CHODL: variants seen among roughly 807,000 people sequenced by gnomAD.
The protein encoded by CHODL is transmembrane protein MT75.
CHODL carries 29 observed loss-of-function variants against 34.5 expected under a neutral mutation model. The observed-to-expected ratio is 0.84, with a 90% CI of 0.63 to 1.15. CHODL has a LOEUF of 1.15. CHODL is among the 50% of genes most tolerant of loss of function. CHODL has a pLI of 0.00. For synonymous variants in CHODL, 125 were observed against 116.1 expected (o/e 1.08, Z -0.49); for missense variants, 332 against 332.5 (o/e 1.00, Z 0.01).
intron 1 of CHODL, among the ~76,000 whole-genome samples, chr21:17,929,415 T>A (rs572666989): frequency 6.6e-6 from 1 of 152,372 alleles, no homozygotes; most frequent in African/African-American, 2.4e-5. Context: ...AGCTAGTGGG[T>A]TCCTCTTCCA....
At chr21:18,090,019 A>G (rs375503772) in intron 2 of CHODL, among the ~76,000 whole-genome samples, 6 of 152,342 alleles carry the variant, frequency 3.9e-5, no homozygotes, top group Non-Finnish European at 2.9e-5. Flanking sequence ...GTACTCAACA[A>G]CTGATACAAT....
intron 1 of CHODL, among the ~76,000 whole-genome samples, chr21:18,019,570 AAT>A (rs2064108588): frequency 6.6e-6 from 1 of 152,188 alleles, no homozygotes; most frequent in African/African-American, 2.4e-5. Context: ...CCTGTATCAA[AAT>A]ATCTCATGTA....
chr21:17,920,180 C>CG (rs2063172868), intron 1 of CHODL, among the ~76,000 whole-genome samples: 1 of 152,202 alleles, frequency 6.6e-6, no homozygotes, highest in Non-Finnish European at 1.5e-5. Flanking sequence ...TCCACATTTT[C>CG]GGGTATCTTT....
At chr21:18,248,622 A>T (rs1319931014) in intron 1 of CHODL, among the ~76,000 whole-genome samples, 2 of 118,510 alleles carry the variant, frequency 1.7e-5, no homozygotes, top group African/African-American at 3.7e-5. Flanking sequence ...ATACATATAT[A>T]ATATATATAA....
chr21:18,145,637 T>G (rs1156385302), intron 2 of CHODL, among the ~76,000 whole-genome samples: 2 of 152,112 alleles, frequency 1.3e-5, no homozygotes, highest in African/African-American at 2.4e-5. Flanking sequence ...AAAGAAAGCT[T>G]GATATCCTGT....
At chr21:18,231,622 G>C (rs1601176265) in intron 2 of CHODL, among the ~76,000 whole-genome samples, 1 of 152,102 alleles carries the variant, frequency 6.6e-6, no homozygotes, top group East Asian at 1.9e-4. Flanking sequence ...CAAGGTTCTT[G>C]CACCCTTTTT....
At chr21:18,178,745 GTTGGTC>G (rs765689815) in intron 2 of CHODL, among the ~76,000 whole-genome samples, 3 of 152,176 alleles carry the variant, frequency 2.0e-5, no homozygotes, top group Non-Finnish European at 4.4e-5. Flanking sequence ...AGGAGAAGGG[GTTGGTC>G]TTGCTCTCTC....
At chr21:17,995,674 C>T (rs114636153) in intron 1 of CHODL, among the ~76,000 whole-genome samples, 298 of 152,294 alleles carry the variant, frequency 2.0e-3, no homozygotes, top group African/African-American at 6.9e-3. Flanking sequence ...TAGGTTCCTG[C>T]CTTTGCTGTC....
chr21:18,043,421 T>C (rs1200947213), intron 2 of CHODL, among the ~76,000 whole-genome samples: 1 of 151,990 alleles, frequency 6.6e-6, no homozygotes, highest in Non-Finnish European at 1.5e-5. Context: ...CTTGCTGCCT[T>C]ATTTTCATTG....
chr21:18,060,751 G>C (rs2064653381), intron 2 of CHODL, among the ~76,000 whole-genome samples: 1 of 149,650 alleles, frequency 6.7e-6, no homozygotes, highest in African/African-American at 2.5e-5. Context: ...GGAGTTTGTT[G>C]TTACCAAGGT....
At chr21:18,212,398 T>C (rs1447604875) in intron 2 of CHODL, among the ~76,000 whole-genome samples, 1 of 152,086 alleles carries the variant, frequency 6.6e-6, no homozygotes, top group African/African-American at 2.4e-5. Flanking sequence ...CCCAGACAAA[T>C]TTAGAATTAG....
chr21:17,978,224 C>A (rs942626380), intron 1 of CHODL, among the ~76,000 whole-genome samples: 2 of 151,548 alleles, frequency 1.3e-5, no homozygotes. Context: ...GAGTTTGAGA[C>A]CAGCCTGGCC....
At chr21:17,983,621 A>T (rs2063730999) in intron 1 of CHODL, among the ~76,000 whole-genome samples, 1 of 152,090 alleles carries the variant, frequency 6.6e-6, no homozygotes, top group Non-Finnish European at 1.5e-5. Context: ...TATTTCCTTT[A>T]CTACAGATTG....
chr21:18,071,241 G>T (rs2064801440), intron 2 of CHODL, among the ~76,000 whole-genome samples: 2 of 149,882 alleles, frequency 1.3e-5, no homozygotes, highest in South Asian at 4.2e-4. Flanking sequence ...CTGCTTTCCG[G>T]GTTCAAATGA....
chr21:17,999,685 C>T (rs1021998212), intron 1 of CHODL, among the ~76,000 whole-genome samples: 5 of 152,162 alleles, frequency 3.3e-5, no homozygotes, highest in Admixed American at 1.3e-4. Flanking sequence ...TTCACTATCA[C>T]GAGAATAGCA....
intron 1 of CHODL, among the ~76,000 whole-genome samples, chr21:17,938,493 T>TTTTTTAG (rs1568806953): frequency 3.7e-5 from 2 of 54,032 alleles, no homozygotes; most frequent in East Asian, 6.5e-4. Context: ...TTTTTTTTTT[T>TTTTTTAG]AAGGAAAGGG....
chr21:17,950,553 A>C (rs1420825808), intron 1 of CHODL, among the ~76,000 whole-genome samples: 1 of 149,998 alleles, frequency 6.7e-6, no homozygotes, highest in Non-Finnish European at 1.5e-5. Context: ...AAGCCATCTA[A>C]GAACTGTGGA....
chr21:18,255,014 TA>T (rs2074299694), intron 1 of CHODL, among the ~76,000 whole-genome samples: 1 of 152,086 alleles, frequency 6.6e-6, no homozygotes, highest in East Asian at 1.9e-4. Context: ...ATTTTCAGTA[TA>T]CTACAAATAA....
chr21:18,045,274 T>C (rs570840609), intron 2 of CHODL, among the ~76,000 whole-genome samples: 1 of 151,950 alleles, frequency 6.6e-6, no homozygotes, highest in African/African-American at 2.4e-5. Context: ...GATATAAACA[T>C]GCCCCAGACC....
Sources: gnomAD v4.1 joint callset for allele counts (sites outside exome capture counted in the v4.1 genomes callset) on GRCh38, gnomAD v4.1.1 for gene constraint, MANE v1.5 for transcripts, NCBI Gene and HGNC (gene_info 2026-07-23, HGNC 2026-07-21) for gene names.